ZNF106: variants seen among roughly 807,000 people sequenced by gnomAD.
The protein encoded by ZNF106 is SH3-domain binding protein 3.
A neutral mutation model predicts 195.1 loss-of-function variants in ZNF106; 67 were observed. That is an observed-to-expected ratio of 0.34 (90% confidence interval 0.28 to 0.42). The LOEUF is 0.42. ZNF106 is among the 10% of genes least tolerant of loss of function. The pLI, the probability that ZNF106 is intolerant of heterozygous loss-of-function variation, is 1.00. For missense variants in ZNF106, 2,118 were observed against 2,304.5 expected (o/e 0.92, Z 1.66); for synonymous variants, 784 against 818.6 (o/e 0.96, Z 0.72).
chr15:42,477,813 C>G (rs1288187166), intron 1 of ZNF106, among the ~76,000 whole-genome samples: 2 of 152,000 alleles, frequency 1.3e-5, no homozygotes, highest in Non-Finnish European at 2.9e-5. Context: ...TCACTTGAAC[C>G]TGAGAGGTGG....
chr15:42,420,808 G>T (rs2054626888), intron 20 of ZNF106, among the ~76,000 whole-genome samples: 1 of 152,148 alleles, frequency 6.6e-6, no homozygotes, highest in African/African-American at 2.4e-5. Context: ...AGTAGAGGGG[G>T]CAGTGCCATT....
At chr15:42,463,789 T>G (rs2056450046) in intron 3 of ZNF106, among the ~76,000 whole-genome samples, 1 of 151,948 alleles carries the variant, frequency 6.6e-6, no homozygotes, top group African/African-American at 2.4e-5. Flanking sequence ...ACAGAGTGAG[T>G]GAGACCCTGT....
intron 1 of ZNF106, among the ~76,000 whole-genome samples, chr15:42,484,000 C>T (rs1567035152): frequency 6.6e-6 from 1 of 152,146 alleles, no homozygotes; most frequent in Non-Finnish European, 1.5e-5. Context: ...CCAATTGTGG[C>T]TATTTCTGAG....
rs768025655 is a variant in ZNF106, at chr15:42,428,098, G to A, written c.4918C>T (p.Arg1640Trp). 9 of 1,614,012 alleles carry A rather than the reference G, an allele frequency of 5.6e-6. No individual in the cohort carries two copies. Among genetic ancestry groups the A allele is most frequent in the East Asian group, 2.2e-5 (1 of 44,878 alleles). ...CATCTACTGTGGAGGCAGAGGACCC[G>A]GTCTTCCAGCTGTAACTGCTCCACA... ...ECVEQLQLED[R>W]VLCLHSRWRI... is the part of the protein sequence containing the mutation. The change falls in exon 15 of 22, where the codon CGG (arginine) becomes TGG (tryptophan). Residue 1640 changes from arginine to tryptophan, a missense_variant. Coordinates refer to ENST00000564754, the MANE Select transcript of ZNF106 (RefSeq NM_001366845.3).
intron 5 of ZNF106, among the ~76,000 whole-genome samples, chr15:42,449,146 G>A (rs1356988012): frequency 6.6e-6 from 1 of 152,136 alleles, no homozygotes; most frequent in Non-Finnish European, 1.5e-5. Flanking sequence ...GTACAGAAAT[G>A]CCCCTGAAGC....
chr15:42,425,891 G>A (rs2054838216), intron 15 of ZNF106: 1 of 152,184 alleles, frequency 6.6e-6, no homozygotes, highest in Non-Finnish European at 1.5e-5. Flanking sequence ...TATCAGAGTG[G>A]TAGGGTCACA....
At chr15:42,428,867 C>CAGTG (rs1188312830) in intron 14 of ZNF106, among the ~76,000 whole-genome samples, 177 of 151,206 alleles carry the variant, frequency 1.2e-3, no homozygotes, top group African/African-American at 4.2e-3. Flanking sequence ...CGGTTCACAC[C>CAGTG]ATTCTCCTGC....
chr15:42,485,698 A>C (rs1043377357), intron 1 of ZNF106, among the ~76,000 whole-genome samples: 2 of 152,236 alleles, frequency 1.3e-5, no homozygotes, highest in African/African-American at 4.8e-5. Context: ...ACTGGAATAA[A>C]GACGTTGGAA....
chr15:42,433,394 C>T (rs1468111496), intron 14 of ZNF106, among the ~76,000 whole-genome samples: 1 of 152,048 alleles, frequency 6.6e-6, no homozygotes, highest in Admixed American at 6.5e-5. Context: ...CGTGAGCCAC[C>T]GCGCCCAGCC....
At chr15:42,432,791 G>T (rs745464703) in intron 14 of ZNF106, among the ~76,000 whole-genome samples, 1 of 151,942 alleles carries the variant, frequency 6.6e-6, no homozygotes, top group Non-Finnish European at 1.5e-5. Context: ...AGGCTGAGGC[G>T]GAAGGATCAC....
chr15:42,440,994 AAAAAATATATATATATATATATAT>A (rs1567009080), intron 10 of ZNF106, among the ~76,000 whole-genome samples: 1 of 54,512 alleles, frequency 1.8e-5, no homozygotes, highest in African/African-American at 1.3e-4. Context: ...AAAAAAAAAA[AAAAAATATATATATATATATATAT>A]ATATATATAT....
chr15:42,476,987 T>G (rs992560402), intron 1 of ZNF106, among the ~76,000 whole-genome samples: 1 of 152,176 alleles, frequency 6.6e-6, no homozygotes. Flanking sequence ...TATTAGTAGT[T>G]AAGTTTTTGG....
In ZNF106 at chr15:42,482,522, G is replaced by GTTTTTTTTTTT. The variant is rs905219332; in HGVS notation, c.-33+8447_-33+8457dup. On this transcript the variant is annotated intron_variant, in intron 1 of 21. Coordinates refer to ENST00000564754, the MANE Select transcript of ZNF106 (RefSeq NM_001366845.3). ...TCTTAGGCAGTAGATGAAATCTCCA[G>GTTTTTTTTTTT]TTTTTTTTTTTTTTTTTTTTTTTTG... 4.2e-4 allele frequency among the ~76,000 whole-genome samples: 35 copies of GTTTTTTTTTTT among 82,544 alleles called. 3 individuals carry two copies. The highest frequency in any genetic ancestry group is 1.7e-3 in the South Asian group (4 of 2,344). 54.2% of individuals were successfully genotyped at this position (82,544 alleles called of 152,430 possible). A position where few individuals can be genotyped will look rare whatever the true frequency, so the allele number is the denominator to read the frequency against.
At chr15:42,424,425 G>A (rs2141267994) in intron 16 of ZNF106, 1 of 279,046 alleles carries the variant, frequency 3.6e-6, no homozygotes, top group Admixed American at 4.8e-5. Context: ...CTCTTTCCAA[G>A]GTGGTGCTTC....
chr15:42,443,629 G>C (rs1055632111), intron 9 of ZNF106, among the ~76,000 whole-genome samples: 1 of 151,726 alleles, frequency 6.6e-6, no homozygotes, highest in African/African-American at 2.4e-5. Context: ...ACTGGGGGGA[G>C]TGAGGTGGGA....
chr15:42,444,702 G>C (rs1181134756), intron 8 of ZNF106, 125 bp downstream of exon 8: 1 of 1,222,770 alleles, frequency 8.2e-7, no homozygotes, highest in African/African-American at 1.5e-5. Flanking sequence ...GGCACAGTCT[G>C]GGGCACTTCC....
At position 42,439,233 on chromosome 15, in the gene ZNF106, G is replaced by C. The variant is rs1183364194; in HGVS notation, c.4344C>G (p.Val1448=). Residue 1448 remains valine (V), a synonymous_variant, in exon 11 of 22, where the codon GTC becomes GTG. Transcript: ENST00000564754. The part of the protein sequence containing the change: ...DEPDSDSSLE[V]LEIPNPQLEV... ...CTAACTGAGGATTAGGAATTTCTAG[G>C]ACTTCCAGAGACGAGTCACTATCTG... is the stretch of plus-strand genomic sequence containing the variant. The C allele has an allele frequency of 6.2e-7, 1 of 1,614,140 alleles. No individual in the cohort carries two copies.
intron 1 of ZNF106, among the ~76,000 whole-genome samples, chr15:42,480,132 T>C (rs1239780804): frequency 6.6e-6 from 1 of 152,230 alleles, no homozygotes; most frequent in Non-Finnish European, 1.5e-5. Flanking sequence ...ATTTTTGTTG[T>C]TGTTATCACT....
intron 1 of ZNF106, among the ~76,000 whole-genome samples, chr15:42,473,176 C>T (rs973491007): frequency 1.3e-5 from 2 of 151,978 alleles, no homozygotes; most frequent in African/African-American, 2.4e-5. Flanking sequence ...TGGAATGTTC[C>T]GATTTGGGAT....
Sources: allele counts gnomAD v4.1 joint callset (sites outside exome capture counted in the v4.1 genomes callset), GRCh38; gene constraint gnomAD v4.1.1; transcripts MANE v1.5; gene names NCBI Gene and HGNC (gene_info 2026-07-23, HGNC 2026-07-21).